The following FHIP2B variants were observed in gnomAD, a reference collection of about 807,000 sequenced individuals.
FHIP2B encodes FHF complex subunit HOOK-interacting protein 2B.
In FHIP2B, 72 loss-of-function variants were observed where a neutral mutation model predicts 84.0. That is an observed-to-expected ratio of 0.86 (90% confidence interval 0.71 to 1.04). The LOEUF is 1.04. FHIP2B is among the 50% of genes least tolerant of loss of function. The pLI is 0.00. For synonymous variants in FHIP2B, 497 were observed against 418.7 expected, an observed-to-expected ratio of 1.19 and a Z score of -2.28; for missense variants, 972 against 968.9, an observed-to-expected ratio of 1.00 and a Z score of -0.04.
Position 22,089,475 on chromosome 8 carries a change from C to T in FHIP2B, c.45+177C>T, listed in dbSNP as rs532103140. Among the ~76,000 whole-genome samples the T allele has an allele frequency of 4.0e-3, 607 of 151,812 alleles. 2 individuals carry two copies. Among genetic ancestry groups the T allele is most frequent in the Middle Eastern group, 0.014 (4 of 292 alleles). ...TCCCCGGCCGCGCCCCGCTTCCCCT[C>T]GCTCTTCCCAGTCCCGCTCCCAGAC... On this transcript the variant is annotated intron_variant, in intron 1 of 16. Transcript: ENST00000289921.
chr8:22,090,312 CCACCT>C (rs1157537213), intron 1 of FHIP2B, among the ~76,000 whole-genome samples: 2 of 152,212 alleles, frequency 1.3e-5, no homozygotes, highest in African/African-American at 2.4e-5. Flanking sequence ...TTCCTCCCCA[CCACCT>C]CCTCCCCAAC....
chr8:22,097,256 G>T (rs912788297), intron 3 of FHIP2B, among the ~76,000 whole-genome samples: 3 of 152,176 alleles, frequency 2.0e-5, no homozygotes, highest in African/African-American at 7.2e-5. Flanking sequence ...TGAGCCTGGG[G>T]CTCTCTGGGG....
chr8:22,093,066 G>A (rs1019611922), intron 1 of FHIP2B, among the ~76,000 whole-genome samples: 1 of 152,146 alleles, frequency 6.6e-6, no homozygotes, highest in African/African-American at 2.4e-5. Flanking sequence ...TCAGTTCTGT[G>A]GTGCAGTAAA....
chr8:22,093,855 C>T (rs151256657), intron 1 of FHIP2B, among the ~76,000 whole-genome samples: 69 of 151,640 alleles, frequency 4.6e-4, no homozygotes, highest in Admixed American at 8.6e-4. Context: ...GTAGCTGGGA[C>T]TATAGGCAGA....
chr8:22,096,926 C>T (rs1825803835), intron 3 of FHIP2B: 1 of 174,364 alleles, frequency 5.7e-6, no homozygotes, highest in South Asian at 1.6e-4. Flanking sequence ...TGCCTGTAGC[C>T]CCAGCTACGT....
At position 22,103,887 on chromosome 8, in the gene FHIP2B, A is replaced by G. The variant is rs961417606; in HGVS notation, c.*956A>G. 6.6e-6 allele frequency: 1 copy of G among 152,648 alleles called. No homozygotes were observed. Among genetic ancestry groups the G allele is most frequent in the Non-Finnish European group, 1.5e-5 (1 of 68,104 alleles). The allele number at this position is 152,648 out of a possible 1,614,324, so 9.5% of individuals were successfully genotyped here. On this transcript the variant is annotated 3_prime_UTR_variant, in exon 17 of 17. Coordinates refer to ENST00000289921, the MANE Select transcript of FHIP2B (RefSeq NM_022749.7). ...CCAGTCCTGGTGGTGTTCTCCCTGC[A>G]TGCCCTCCGTGGCTGGGCTGCCACC... is the stretch of plus-strand genomic sequence containing the variant.
In FHIP2B at chr8:22,098,114, C is replaced by T. The variant is rs981331843; in HGVS notation, c.572C>T (p.Ala191Val). Residue 191 changes from alanine to valine, a missense_variant, in exon 6 of 17, where the codon GCC becomes GTC. Physicochemically the swap from Ala to Val is moderately conservative, Grantham distance 64 (BLOSUM62 0). Transcript: ENST00000289921. ...GRKKACGEPTALPKDTTSHGD... is the reference protein window; with the variant it reads ...GRKKACGEPTVLPKDTTSHGD... ...AAGAAAGCATGCGGAGAACCCACTG[C>T]CCTGCCTAAGGACACAACCAGCCAC... is the stretch of plus-strand genomic sequence containing the variant. The T allele has an allele frequency of 1.3e-6, 2 of 1,588,638 alleles. No homozygotes were observed. The highest frequency in any genetic ancestry group is 1.8e-5 in the Admixed American group (1 of 55,720).
At chr8:22,099,393 G>T (rs771153654) in intron 9 of FHIP2B, 33 bp downstream of exon 9, 6 of 1,607,488 alleles carry the variant, frequency 3.7e-6, no homozygotes, top group Non-Finnish European at 4.2e-6. Context: ...CATGACTGTG[G>T]TCTACAGTAA....
chr8:22,100,485 G>A, intron 10 of FHIP2B, 109 bp from the exon 11 acceptor site: 1 of 1,249,922 alleles, frequency 8.0e-7, no homozygotes, highest in Non-Finnish European at 1.0e-6. Context: ...CCAGCCAAGG[G>A]AGGTGACTCT....
At chr8:22,097,680 C>T (rs748311414) in intron 4 of FHIP2B, 37 bp from the exon 5 acceptor site, 10 of 1,609,448 alleles carry the variant, frequency 6.2e-6, no homozygotes, top group Non-Finnish European at 8.5e-6. Context: ...CCCCTGCCAC[C>T]CCTCTCCCCT....
In FHIP2B at chr8:22,096,346, C is replaced by A. The variant is rs762142359; in HGVS notation, c.134C>A (p.Thr45Asn). The A allele has an allele frequency of 4.5e-6, 7 of 1,556,042 alleles. No individual in the cohort carries two copies. Among genetic ancestry groups the A allele is most frequent in the Non-Finnish European group, 6.1e-6 (7 of 1,149,802 alleles). Residue 45 changes from threonine to asparagine, a missense_variant, in exon 3 of 17, where the codon ACC becomes AAC. Coordinates refer to ENST00000289921, the MANE Select transcript of FHIP2B (RefSeq NM_022749.7). ...HYYIESTDES[T>N]PAKKTDIPWR... ...TCCCAAACATCATTAGATGAAAGCA[C>A]CCCCGCCAAGAAGACAGACATTCCC...
At chr8:22,092,995 A>T (rs1825574060) in intron 1 of FHIP2B, among the ~76,000 whole-genome samples, 1 of 152,184 alleles carries the variant, frequency 6.6e-6, no homozygotes, top group African/African-American at 2.4e-5. Flanking sequence ...TGTGGCATCT[A>T]GCATAGTGTC....
At chr8:22,091,831 C>A (rs1825508582) in intron 1 of FHIP2B, among the ~76,000 whole-genome samples, 1 of 152,190 alleles carries the variant, frequency 6.6e-6, no homozygotes, top group African/African-American at 2.4e-5. Context: ...GGCCAGAGGA[C>A]TTTCTAAAAC....
rs903681727 is a variant in FHIP2B at position 22,089,264 on chromosome 8, G to A, written c.11G>A (p.Arg4Gln). The A allele has an allele frequency of 9.5e-7, 1 of 1,053,512 alleles. No individual in the cohort carries two copies. The highest frequency in any genetic ancestry group is 1.1e-6 in the Non-Finnish European group (1 of 875,472). 65.3% of individuals were successfully genotyped at this position (1,053,512 alleles called of 1,614,324 possible). A position where few individuals can be genotyped will look rare whatever the true frequency, so the allele number is the denominator to read the frequency against. MLSRLGALLQEAVG... is the reference protein window; with the variant it reads MLSQLGALLQEAVG... ...GGGCCGGGCGCCATCATGCTGAGCC[G>A]GCTCGGGGCGCTGCTGCAGGAAGCC... Residue 4 changes from arginine (R) to glutamine (Q), a missense_variant, in exon 1 of 17, where the codon CGG (arginine) becomes CAG (glutamine). By Grantham distance (43) the Arg-to-Gln change is conservative (BLOSUM62 1). Coordinates refer to ENST00000289921, the MANE Select transcript of FHIP2B (RefSeq NM_022749.7).
Position 22,102,876 on chromosome 8 carries a change from T to G in FHIP2B, c.2177T>G (p.Phe726Cys). Reference sequence around the variant, plus strand: ...CTGGCTGCCATTGCCTTCGTCAAGTTTCCCCCACATGATCCTCGCCAGAAC... The same window carrying G: ...CTGGCTGCCATTGCCTTCGTCAAGTGTCCCCCACATGATCCTCGCCAGAAC... ...KELAAIAFVK[F>C]PPHDPRQNVS... Residue 726 changes from phenylalanine (F) to cysteine (C), a missense_variant, in exon 17 of 17, where the codon TTT becomes TGT. Physicochemically the swap from Phe to Cys is radical, Grantham distance 205. Coordinates refer to ENST00000289921, the MANE Select transcript of FHIP2B (RefSeq NM_022749.7). 6.2e-7 allele frequency: 1 copy of G among 1,613,696 alleles called. No homozygotes were observed. The highest frequency in any genetic ancestry group is 8.5e-7 in the Non-Finnish European group (1 of 1,179,828).
chr8:22,102,017 C>A, intron 14 of FHIP2B, 158 bp from the exon 15 acceptor site: 1 of 1,517,524 alleles, frequency 6.6e-7, no homozygotes. Flanking sequence ...CGTCCTAACA[C>A]GTTCTGGCCC....
At chr8:22,102,738 G>T in intron 16 of FHIP2B, 55 bp from the exon 17 acceptor site, 1 of 1,606,238 alleles carries the variant, frequency 6.2e-7, no homozygotes, top group South Asian at 1.1e-5. Flanking sequence ...GGGCTGTCAT[G>T]CTGGGCACAG....
chr8:22,102,974 C>T lies in FHIP2B; in HGVS notation c.*43C>T. 6.3e-7 allele frequency: 1 copy of T among 1,589,156 alleles called. No individual in the cohort carries two copies. The highest frequency in any genetic ancestry group is 8.6e-7 in the Non-Finnish European group (1 of 1,167,316). On this transcript the variant is annotated 3_prime_UTR_variant, in exon 17 of 17. Transcript: ENST00000289921. ...GGGAGACTCCTGTCCACACCTCTGC[C>T]CCAGAGCTGCCTCCTGCCTGGCACT...
rs368554796 is a variant in FHIP2B at position 22,096,492 on chromosome 8, A to G, written c.280A>G (p.Thr94Ala). The G allele has an allele frequency of 1.3e-6, 2 of 1,543,906 alleles. No individual in the cohort carries two copies. Among genetic ancestry groups the G allele is most frequent in the Non-Finnish European group, 1.8e-6 (2 of 1,142,480 alleles). ...GCACAAGATCCTGGAGACTCTCTGC[A>G]CGCTGGGCAAGGCCGAGGTGGGAGG... ...LQHKILETLC[T>A]LGKAEYPPGM... The change falls in exon 3 of 17, where the codon ACG (threonine) becomes GCG (alanine). Residue 94 changes from threonine to alanine, a missense_variant. Thr to Ala is a moderately conservative substitution (Grantham distance 58). Transcript: ENST00000289921.
Sources: allele counts gnomAD v4.1 joint callset (sites outside exome capture counted in the v4.1 genomes callset), GRCh38; gene constraint gnomAD v4.1.1; transcripts MANE v1.5; gene names NCBI Gene and HGNC (gene_info 2026-07-23, HGNC 2026-07-21).